Variants in SLC35F5 observed in about 807,000 individuals in gnomAD.
SLC35F5 encodes HCV NS5A-transactivated protein 3.
SLC35F5 carries 54 observed loss-of-function variants against 68.6 expected under a neutral mutation model. The observed-to-expected ratio is 0.79, with a 90% CI of 0.63 to 0.99. The LOEUF is 0.99. SLC35F5 is among the 50% of genes least tolerant of loss of function. SLC35F5 has a pLI of 0.00. For synonymous variants in SLC35F5, 211 were observed against 205.2 expected (o/e 1.03, Z -0.24); for missense variants, 567 against 626.9 (o/e 0.90, Z 1.02).
Position 113,715,008 on chromosome 2 carries a change from T to C in SLC35F5, c.*210A>G, listed in dbSNP as rs766419477. 28 of 152,724 alleles carry C rather than the reference T, an allele frequency of 1.8e-4. No homozygotes were observed. The highest frequency in any genetic ancestry group is 1.2e-3 in the Admixed American group (19 of 15,308). 9.5% of individuals were successfully genotyped at this position (152,724 alleles called of 1,614,324 possible). On this transcript the variant is annotated 3_prime_UTR_variant, in exon 16 of 16. Coordinates refer to ENST00000245680, the MANE Select transcript of SLC35F5 (RefSeq NM_025181.5). ...ACTGTAGACTGAAACTTCCTATAAC[T>C]GTAGTGATATGTACACAGCTACATA...
rs537879733 is a variant in SLC35F5 at position 113,712,477 on chromosome 2, G to A, written c.*2741C>T. On this transcript the variant is annotated 3_prime_UTR_variant, in exon 16 of 16. Coordinates refer to ENST00000245680, the MANE Select transcript of SLC35F5 (RefSeq NM_025181.5). ...GACTACAGGCGCCGCCACCACGCCC[G>A]GCTAATTCTTTGTATTTTTAGTAGA... Among the ~76,000 whole-genome samples the A allele has an allele frequency of 2.6e-5, 4 of 152,146 alleles. No individual in the cohort carries two copies. Among genetic ancestry groups the A allele is most frequent in the South Asian group, 2.1e-4 (1 of 4,814 alleles).
At chr2:113,704,779 C>T (rs1485175798), downstream of SLC35F5, among the ~76,000 whole-genome samples, 1 of 152,110 alleles carries the variant, frequency 6.6e-6, no homozygotes, top group African/African-American at 2.4e-5. Flanking sequence ...TTCCCGCCCT[C>T]GCCTCTCCCT....
chr2:113,718,251 AT>A (rs1025937367), intron 14 of SLC35F5, among the ~76,000 whole-genome samples: 5 of 149,478 alleles, frequency 3.3e-5, no homozygotes, highest in African/African-American at 9.8e-5. Flanking sequence ...TGTCTGGGTA[AT>A]TTTTTTTTTA....
rs1159094412 is a variant in SLC35F5 at position 113,729,500 on chromosome 2, T to C, written c.991A>G (p.Ile331Val). 6.4e-7 allele frequency: 1 copy of C among 1,568,774 alleles called. No homozygotes were observed. Among genetic ancestry groups the C allele is most frequent in the South Asian group, 1.2e-5 (1 of 86,320 alleles). ...AGCATGGCTCCAGCAAGAGACCAAA[T>C]GGAACCTGTAAAAATGGACATGATT... ...KPAGRDTVGS[I>V]WSLAGAMLYA... Residue 331 changes from isoleucine (I) to valine (V), a missense_variant, in exon 11 of 16, where the codon ATT becomes GTT. Ile to Val is a conservative substitution (Grantham distance 29). Transcript: ENST00000245680.
intron 15 of SLC35F5, among the ~76,000 whole-genome samples, chr2:113,716,966 T>C (rs980623934): frequency 6.6e-6 from 1 of 152,224 alleles, no homozygotes; most frequent in Non-Finnish European, 1.5e-5. Flanking sequence ...TACAATGTTC[T>C]AGATAGGGAG....
intron 13 of SLC35F5, among the ~76,000 whole-genome samples, chr2:113,721,797 A>C (rs1286926161): frequency 1.4e-5 from 2 of 146,938 alleles, no homozygotes; most frequent in Non-Finnish European, 3.0e-5. Context: ...GAATATCCAC[A>C]TTCTTTGAAA....
rs1676334290 is a variant in SLC35F5, at chr2:113,742,806, T to C, written c.636A>G (p.Glu212=). The C allele has an allele frequency of 1.2e-6, 2 of 1,614,064 alleles. No individual in the cohort carries two copies. Among genetic ancestry groups the C allele is most frequent in the Non-Finnish European group, 1.7e-6 (2 of 1,180,020 alleles). Residue 212 remains glutamate (E), a synonymous_variant, in exon 7 of 16, where the codon GAA becomes GAG. Coordinates refer to ENST00000245680, the MANE Select transcript of SLC35F5 (RefSeq NM_025181.5). ...GATATGACATGCGAGACAACTTTGC[T>C]TCCAATGCATGACTTGACGGAAGCT... ...IRQLPSSHAL[E]AKLSRMSYPV...
At chr2:113,732,366 T>C (rs1016995958) in intron 9 of SLC35F5, among the ~76,000 whole-genome samples, 5 of 152,112 alleles carry the variant, frequency 3.3e-5, no homozygotes, top group Admixed American at 6.6e-5. Context: ...CTTTGCATTG[T>C]CTATTTCTAT....
intron 3 of SLC35F5, among the ~76,000 whole-genome samples, chr2:113,752,147 G>C (rs1469914700): frequency 6.7e-6 from 1 of 149,386 alleles, no homozygotes; most frequent in African/African-American, 2.5e-5. Context: ...GGGAGGCGGA[G>C]ATTGCAGTGA....
chr2:113,703,356 T>C (rs1284906192), downstream of SLC35F5, among the ~76,000 whole-genome samples: 1 of 152,244 alleles, frequency 6.6e-6, no homozygotes, highest in African/African-American at 2.4e-5. Flanking sequence ...TGGAACAAAT[T>C]AGCTTATGTA....
intron 15 of SLC35F5, among the ~76,000 whole-genome samples, chr2:113,716,534 G>A (rs1178375553): frequency 1.3e-5 from 2 of 152,216 alleles, no homozygotes; most frequent in Non-Finnish European, 2.9e-5. Context: ...GGAGGCCTAT[G>A]AGGTGGGAGC....
intron 4 of SLC35F5, among the ~76,000 whole-genome samples, chr2:113,748,557 G>A (rs1676606324): frequency 6.6e-6 from 1 of 152,082 alleles, no homozygotes; most frequent in South Asian, 2.1e-4. Context: ...TTCCTTGAAT[G>A]GTAGCATTTA....
chr2:113,718,944 G>GAAGA (rs1687313316), intron 14 of SLC35F5, among the ~76,000 whole-genome samples: 1 of 147,498 alleles, frequency 6.8e-6, no homozygotes, highest in African/African-American at 2.5e-5. Flanking sequence ...AGGAAGAAAG[G>GAAGA]AAGGAAGGAA....
At position 113,725,532 on chromosome 2, in the gene SLC35F5, C is replaced by T. The variant is rs1559328981; in HGVS notation, c.1096G>A (p.Val366Ile). ...KLDIPMFFGF[V>I]GLFNLLLLWP... ...AAGAGCAGCAGATTAAACAAACCTA[C>T]AAAACCTGAACATGTATAAAAGAGA... is the stretch of plus-strand genomic sequence containing the variant. The change falls in exon 12 of 16, where the codon GTA becomes ATA. Residue 366 changes from valine to isoleucine, a missense_variant. Coordinates refer to ENST00000245680, the MANE Select transcript of SLC35F5 (RefSeq NM_025181.5). 2.5e-6 allele frequency: 4 copies of T among 1,576,850 alleles called. No individual in the cohort carries two copies. Among genetic ancestry groups the T allele is most frequent in the South Asian group, 1.2e-5 (1 of 84,332 alleles).
At chr2:113,751,702 C>G (rs1488955295) in intron 3 of SLC35F5, among the ~76,000 whole-genome samples, 1 of 152,044 alleles carries the variant, frequency 6.6e-6, no homozygotes, top group African/African-American at 2.4e-5. Flanking sequence ...CCCAGGTACT[C>G]TGGAGGCTGA....
Position 113,756,578 on chromosome 2 carries a change from G to A in SLC35F5, c.-169C>T, listed in dbSNP as rs1048335677. 7 of 1,433,608 alleles carry A rather than the reference G, an allele frequency of 4.9e-6. No homozygotes were observed. Among genetic ancestry groups the A allele is most frequent in the Middle Eastern group, 5.1e-4 (2 of 3,910 alleles). The allele number at this position is 1,433,608 out of a possible 1,614,324, so 88.8% of individuals were successfully genotyped here. ...CCACCCAACTCCACTCGGCCCAGGA[G>A]GGCGTGGAGCGGGTGAGGGGAAGGG... On this transcript the variant is annotated 5_prime_UTR_variant, in exon 1 of 16. Transcript: ENST00000245680.
chr2:113,709,088 C>T lies in SLC35F5; in HGVS notation c.*6130G>A, dbSNP rs555333579. ...CCTAACAAAAGCAAAAACAAAATTACGGCCTATGTGGTGTCACTGTTATTA... is the reference window on the plus strand; with the variant it reads ...CCTAACAAAAGCAAAAACAAAATTATGGCCTATGTGGTGTCACTGTTATTA... On this transcript the variant is annotated 3_prime_UTR_variant, in exon 16 of 16. Coordinates refer to ENST00000245680, the MANE Select transcript of SLC35F5 (RefSeq NM_025181.5). 1.4e-4 allele frequency among the ~76,000 whole-genome samples: 22 copies of T among 152,342 alleles called. No individual in the cohort carries two copies. Among genetic ancestry groups the T allele is most frequent in the African/African-American group, 3.6e-4 (15 of 41,564 alleles).
Position 113,723,137 on chromosome 2 carries a change from A to G in SLC35F5, c.1308T>C (p.Pro436=). 1 of 1,591,130 alleles carries G rather than the reference A, an allele frequency of 6.3e-7. No individual in the cohort carries two copies. The highest frequency in any genetic ancestry group is 1.2e-5 in the South Asian group (1 of 85,072). The part of the protein sequence containing the change: ...IGTLALSLTI[P]LSIIADMCMQ... ...TACACATGTCAGCTATTATGGACAGAGGTATTGTAAGGCTTAGTGCAAGTG... is the reference window on the plus strand; with the variant it reads ...TACACATGTCAGCTATTATGGACAGGGGTATTGTAAGGCTTAGTGCAAGTG... Residue 436 remains proline, a synonymous_variant, in exon 13 of 16, where the codon CCT becomes CCC. Transcript: ENST00000245680.
At chr2:113,733,032 C>G (rs1355469487) in intron 9 of SLC35F5, among the ~76,000 whole-genome samples, 2 of 152,084 alleles carry the variant, frequency 1.3e-5, no homozygotes, top group African/African-American at 4.8e-5. Context: ...AATTGAATCT[C>G]TTAGTAAAAT....
Sources: gnomAD v4.1 joint callset for allele counts (sites outside exome capture counted in the v4.1 genomes callset) on GRCh38, gnomAD v4.1.1 for gene constraint, MANE v1.5 for transcripts, NCBI Gene and HGNC (gene_info 2026-07-23, HGNC 2026-07-21) for gene names.